Variants in SEC31A observed in about 807,000 individuals in gnomAD.
The protein encoded by SEC31A is protein transport protein Sec31A.
In SEC31A, 70 loss-of-function variants were observed where a neutral mutation model predicts 151.0. The observed-to-expected ratio is 0.46, with a 90% confidence interval of 0.38 to 0.57. The LOEUF is 0.57. Among genes scored for constraint, SEC31A ranks in the 20% least tolerant of loss-of-function variants. SEC31A has a pLI of 0.00. For missense variants in SEC31A, 1,330 were observed against 1,471.2 expected, an observed-to-expected ratio of 0.90 and a Z score of 1.57; for synonymous variants, 475 against 505.9, an observed-to-expected ratio of 0.94 and a Z score of 0.82.
At chr4:82,872,115 G>A in intron 6 of SEC31A, 29 bp from the exon 7 acceptor site, 1 of 1,562,838 alleles carries the variant, frequency 6.4e-7, no homozygotes, top group Non-Finnish European at 8.8e-7. Context: ...CACATTTTAT[G>A]AATCAAATTA....
intron 19 of SEC31A, among the ~76,000 whole-genome samples, chr4:82,850,639 A>C (rs183075829): frequency 6.6e-6 from 1 of 152,350 alleles, no homozygotes; most frequent in East Asian, 1.9e-4. Flanking sequence ...ATGCAGATAT[A>C]TTGTTGTGGA....
chr4:82,876,003 T>C (rs1412493052), intron 4 of SEC31A, among the ~76,000 whole-genome samples, 181 bp from the exon 5 acceptor site: 3 of 152,172 alleles, frequency 2.0e-5, no homozygotes, highest in African/African-American at 7.2e-5. Flanking sequence ...ATTTAAAGTT[T>C]TCTAGAAAAA....
intron 1 of SEC31A, among the ~76,000 whole-genome samples, chr4:82,883,702 G>A (rs1454759720): frequency 1.3e-5 from 2 of 151,866 alleles, no homozygotes; most frequent in East Asian, 1.9e-4. Context: ...GGTGGTGCAC[G>A]CCTGTAGTCC....
chr4:82,854,823 T>C (rs1253321010), intron 17 of SEC31A, 80 bp downstream of exon 17: 1 of 1,340,282 alleles, frequency 7.5e-7, no homozygotes, highest in Non-Finnish European at 9.8e-7. Flanking sequence ...AAGTTTCTAA[T>C]AAAATTTGTC....
upstream of SEC31A, chr4:82,895,679 GT>G (rs1374244320): frequency 2.0e-5 from 3 of 152,186 alleles, no homozygotes; most frequent in Non-Finnish European, 2.9e-5. Context: ...AAATAAATGT[GT>G]AAGTCCCATA....
At chr4:82,837,543 C>A (rs967818470) in intron 22 of SEC31A, among the ~76,000 whole-genome samples, 1 of 152,036 alleles carries the variant, frequency 6.6e-6, no homozygotes, top group Non-Finnish European at 1.5e-5. Flanking sequence ...GCTTCCACAC[C>A]TGGCTAGTTT....
upstream of SEC31A, chr4:82,891,380 A>T (rs1045744235): frequency 1.5e-5 from 9 of 607,654 alleles, no homozygotes; most frequent in Non-Finnish European, 2.6e-5. Flanking sequence ...CGGCGATCGT[A>T]GAAACCCTTT....
chr4:82,833,741 T>C (rs28661080), intron 22 of SEC31A, among the ~76,000 whole-genome samples: 68,429 of 151,472 alleles, frequency 0.45, 17,960 homozygotes, highest in Admixed American at 0.59. Flanking sequence ...ATATAACTCA[T>C]GTGGATTCAG....
intron 20 of SEC31A, among the ~76,000 whole-genome samples, chr4:82,847,541 G>T (rs907370642): frequency 6.6e-6 from 1 of 152,128 alleles, no homozygotes; most frequent in African/African-American, 2.4e-5. Flanking sequence ...TACCTGACAG[G>T]TAGCTTGGTT....
Position 82,819,084 on chromosome 4 carries a change from A to AGCTTATTGG in SEC31A, c.3644_3652dup (p.Lys1217_Leu1218insProAsnLys). 1 of 1,598,914 alleles carries AGCTTATTGG rather than the reference A, an allele frequency of 6.3e-7. No homozygotes were observed. The highest frequency in any genetic ancestry group is 8.5e-7 in the Non-Finnish European group (1 of 1,175,038). The stretch of plus-strand genomic sequence containing the variant: ...AGAGAAGCTGTCCTTTTAGACACCC[A>AGCTTATTGG]GCTTATTGGCCTGGGTGAGAACAAC... On this transcript the variant is annotated inframe_insertion, in exon 27 of 27. Transcript: ENST00000395310.
Position 82,819,183 on chromosome 4 carries a change from CCTT to C in SEC31A, c.3551_3553del (p.Glu1184del). 2 of 1,612,308 alleles carry C rather than the reference CCTT, an allele frequency of 1.2e-6. No homozygotes were observed. The highest frequency in any genetic ancestry group is 1.7e-6 in the Non-Finnish European group (2 of 1,179,160). On this transcript the variant is annotated inframe_deletion, in exon 27 of 27. Coordinates refer to ENST00000395310, the MANE Select transcript of SEC31A (RefSeq NM_001077207.4). The stretch of plus-strand genomic sequence containing the variant: ...AACTATGTGGGTATGCATGGTCAAT[CCTT>C]CTGAGTAGTTTCGAGTTTCAATGCT...
chr4:82,835,117 G>A (rs1163607293), intron 22 of SEC31A, among the ~76,000 whole-genome samples: 1 of 152,132 alleles, frequency 6.6e-6, no homozygotes. Context: ...AAAGTGCTGG[G>A]ATTACAGGTA....
chr4:82,873,780 T>C (rs1383048898), intron 6 of SEC31A, among the ~76,000 whole-genome samples: 2 of 152,172 alleles, frequency 1.3e-5, no homozygotes, highest in Non-Finnish European at 2.9e-5. Context: ...AAATTATATC[T>C]AAATTATTTT....
At chr4:82,849,619 A>AC (rs1484511570) in intron 19 of SEC31A, among the ~76,000 whole-genome samples, 1 of 151,454 alleles carries the variant, frequency 6.6e-6, no homozygotes, top group Non-Finnish European at 1.5e-5. Context: ...GTCTCAAAAA[A>AC]AAAAAAAAAA....
chr4:82,860,326 AT>A (rs1177322884), intron 14 of SEC31A, among the ~76,000 whole-genome samples: 1 of 152,176 alleles, frequency 6.6e-6, no homozygotes, highest in African/African-American at 2.4e-5. Context: ...GATGACTACT[AT>A]TTCATTAAAT....
At chr4:82,857,633 C>A in intron 15 of SEC31A, 56 bp downstream of exon 15, 1 of 1,103,238 alleles carries the variant, frequency 9.1e-7, no homozygotes, top group African/African-American at 1.6e-5. Context: ...AATGCAGGAA[C>A]TATTTGTTTT....
At chr4:82,869,486 C>G (rs893953490) in intron 8 of SEC31A, among the ~76,000 whole-genome samples, 2 of 151,960 alleles carry the variant, frequency 1.3e-5, no homozygotes, top group African/African-American at 4.8e-5. Flanking sequence ...CTTCAAAGTC[C>G]AAGCACACAC....
chr4:82,823,885 G>A, intron 25 of SEC31A, among the ~76,000 whole-genome samples: 1 of 152,190 alleles, frequency 6.6e-6, no homozygotes, highest in East Asian at 1.9e-4. Context: ...TTGATGAGAG[G>A]CAGTATAGCT....
intron 13 of SEC31A, 178 bp from the exon 14 acceptor site, chr4:82,861,886 C>T (rs1261388261): frequency 1.3e-5 from 4 of 306,610 alleles, no homozygotes; most frequent in Admixed American, 9.9e-5. Flanking sequence ...AGAACTATTA[C>T]TGCTAACACT....
Sources: gnomAD v4.1 joint callset for allele counts (sites outside exome capture counted in the v4.1 genomes callset) on GRCh38, gnomAD v4.1.1 for gene constraint, MANE v1.5 for transcripts, NCBI Gene and HGNC (gene_info 2026-07-23, HGNC 2026-07-21) for gene names.